NAALADL2: variants seen among roughly 807,000 people sequenced by gnomAD.
NAALADL2 encodes the protein N-acetylated alpha-linked acidic dipeptidase like 2, also known as inactive N-acetylated-alpha-linked acidic dipeptidase-like protein 2.
NAALADL2 carries 76 observed loss-of-function variants against 87.2 expected under a neutral mutation model. That is an observed-to-expected ratio of 0.87 (90% CI 0.72 to 1.05). The LOEUF (loss-of-function observed/expected upper bound fraction) is 1.05. Ranked by LOEUF, NAALADL2 falls within the 50% of genes least tolerant of loss-of-function variation. The pLI, the probability that NAALADL2 is intolerant of heterozygous loss-of-function variation, is 0.00. For synonymous variants in NAALADL2, 354 were observed against 331.0 expected (o/e 1.07, Z -0.75); for missense variants, 1,089 against 945.8 (o/e 1.15, Z -1.99).
intron 2 of NAALADL2, among the ~76,000 whole-genome samples, chr3:175,150,473 T>C (rs1237606831): frequency 2.0e-5 from 3 of 152,166 alleles, no homozygotes; most frequent in African/African-American, 7.2e-5. Flanking sequence ...AGTGCATCTA[T>C]ATGTTGTTTG....
At chr3:175,798,761 A>T (rs1480021243) in intron 13 of NAALADL2, among the ~76,000 whole-genome samples, 1 of 152,072 alleles carries the variant, frequency 6.6e-6, no homozygotes, top group African/African-American at 2.4e-5. Context: ...GTAGTTATTG[A>T]CACATTTTAC....
chr3:175,612,728 A>G (rs997678691), intron 10 of NAALADL2, among the ~76,000 whole-genome samples: 3 of 152,096 alleles, frequency 2.0e-5, no homozygotes, highest in Non-Finnish European at 4.4e-5. Flanking sequence ...TACCAGAGAG[A>G]CCAGGTTTTA....
intron 2 of NAALADL2, among the ~76,000 whole-genome samples, chr3:174,668,488 G>A (rs1281701558): frequency 1.3e-5 from 2 of 152,108 alleles, no homozygotes. Context: ...AGTTACATAT[G>A]TATACATGTG....
chr3:175,520,671 G>A (rs967580198), intron 9 of NAALADL2, among the ~76,000 whole-genome samples: 5 of 152,194 alleles, frequency 3.3e-5, no homozygotes, highest in Non-Finnish European at 5.9e-5. Context: ...GAAATTGCAG[G>A]ATGTGAAATA....
chr3:175,485,994 G>T (rs142691116), intron 9 of NAALADL2, among the ~76,000 whole-genome samples: 1 of 152,100 alleles, frequency 6.6e-6, no homozygotes, highest in African/African-American at 2.4e-5. Context: ...AACCATGTTG[G>T]CACCCTGATT....
chr3:174,645,296 C>G (rs1049234811), intron 2 of NAALADL2, among the ~76,000 whole-genome samples: 1 of 152,150 alleles, frequency 6.6e-6, no homozygotes, highest in African/African-American at 2.4e-5. Flanking sequence ...TGAAATACTG[C>G]GTGGCCACGG....
intron 3 of NAALADL2, among the ~76,000 whole-genome samples, chr3:174,751,588 G>A (rs993886275): frequency 1.5e-4 from 22 of 150,614 alleles, no homozygotes; most frequent in African/African-American, 4.9e-4. Context: ...GCTTGAGCCC[G>A]GGAGACTGAG....
Position 175,698,483 on chromosome 3 carries a change from T to TATATATATA in NAALADL2, c.1897-38823_1897-38822insATATATATA, listed in dbSNP as rs1560995887. Among the ~76,000 whole-genome samples the TATATATATA allele has an allele frequency of 4.3e-4, 29 of 67,770 alleles. 2 individuals carry two copies. Among genetic ancestry groups the TATATATATA allele is most frequent in the African/African-American group, 1.8e-3 (20 of 11,052 alleles). 44.5% of individuals were successfully genotyped at this position (67,770 alleles called of 152,430 possible). ...TGTGTATATATGTGTGTATATATAT[T>TATATATATA]TATATATATATATATATATAAAATC... On this transcript the variant is annotated intron_variant, in intron 11 of 13. Coordinates refer to ENST00000454872, the MANE Select transcript of NAALADL2 (RefSeq NM_207015.3).
At chr3:175,157,213 A>G (rs1240247071) in intron 2 of NAALADL2, among the ~76,000 whole-genome samples, 1 of 152,120 alleles carries the variant, frequency 6.6e-6, no homozygotes, top group Non-Finnish European at 1.5e-5. Context: ...TGTGTATTCT[A>G]TCATGAGGAT....
intron 3 of NAALADL2, among the ~76,000 whole-genome samples, chr3:174,784,408 G>A (rs1369325087): frequency 6.6e-6 from 1 of 152,078 alleles, no homozygotes; most frequent in African/African-American, 2.4e-5. Flanking sequence ...TGCCTTAACT[G>A]TCTTACTTCA....
chr3:174,472,890 G>A (rs1002365213), intron 1 of NAALADL2, among the ~76,000 whole-genome samples: 1 of 151,966 alleles, frequency 6.6e-6, no homozygotes, highest in African/African-American at 2.4e-5. Context: ...TGCCATATTT[G>A]TGTTTATTGT....
intron 5 of NAALADL2, among the ~76,000 whole-genome samples, chr3:175,361,878 C>A (rs1471610148): frequency 1.4e-5 from 2 of 147,974 alleles, no homozygotes; most frequent in African/African-American, 2.5e-5. Flanking sequence ...TTAATTAGAT[C>A]CCATTTGTCA....
intron 11 of NAALADL2, among the ~76,000 whole-genome samples, chr3:175,677,423 A>T (rs2149868654): frequency 6.6e-6 from 1 of 151,682 alleles, no homozygotes; most frequent in Non-Finnish European, 1.5e-5. Flanking sequence ...CATTATTATT[A>T]TTAAATTAAA....
chr3:174,491,452 T>C (rs1431452665), intron 1 of NAALADL2, among the ~76,000 whole-genome samples: 1 of 152,188 alleles, frequency 6.6e-6, no homozygotes, highest in Non-Finnish European at 1.5e-5. Flanking sequence ...TTGGAAGTAT[T>C]TTATATTGAT....
At chr3:174,547,290 T>C (rs1711514709) in intron 1 of NAALADL2, among the ~76,000 whole-genome samples, 1 of 152,136 alleles carries the variant, frequency 6.6e-6, no homozygotes, top group African/African-American at 2.4e-5. Flanking sequence ...TAGTGACAAG[T>C]AGATTTTTAA....
chr3:174,926,477 G>T (rs1736056252), intron 1 of NAALADL2, among the ~76,000 whole-genome samples: 2 of 152,226 alleles, frequency 1.3e-5, no homozygotes, highest in South Asian at 4.1e-4. Flanking sequence ...TACCCACAAA[G>T]AGAAGCCCAT....
intron 2 of NAALADL2, among the ~76,000 whole-genome samples, chr3:175,202,835 A>C (rs971144628): frequency 6.6e-6 from 1 of 151,954 alleles, no homozygotes; most frequent in African/African-American, 2.4e-5. Flanking sequence ...ATGTCAATGA[A>C]GTTGTGTACC....
At chr3:174,914,004 T>G (rs932638788) in intron 1 of NAALADL2, among the ~76,000 whole-genome samples, 4 of 151,914 alleles carry the variant, frequency 2.6e-5, no homozygotes, top group Admixed American at 2.0e-4. Context: ...CAGGAGATTA[T>G]GTATTTCATT....
chr3:175,463,727 A>AGAGAGAGAGG (rs1723542219), intron 7 of NAALADL2, among the ~76,000 whole-genome samples: 2 of 151,968 alleles, frequency 1.3e-5, no homozygotes, highest in Non-Finnish European at 2.9e-5. Context: ...AGAGAGAGAG[A>AGAGAGAGAGG]GAGAGAGAGG....
Sources: allele counts gnomAD v4.1 joint callset (sites outside exome capture counted in the v4.1 genomes callset), GRCh38; gene constraint gnomAD v4.1.1; transcripts MANE v1.5; gene names NCBI Gene and HGNC (gene_info 2026-07-23, HGNC 2026-07-21).